Variants in OXR1 observed in about 807,000 individuals in gnomAD.
OXR1 encodes oxidation resistance 1.
A neutral mutation model predicts 104.6 loss-of-function variants in OXR1; 41 were observed. The ratio of observed to expected loss-of-function variants is 0.39; its 90% confidence interval spans 0.31 to 0.51. The LOEUF (loss-of-function observed/expected upper bound fraction) is 0.51, where lower values mean the gene tolerates loss of function less well. Ranked by LOEUF, OXR1 falls within the 20% of genes least tolerant of loss-of-function variation. OXR1 has a pLI of 0.77. For synonymous variants in OXR1, 348 were observed against 348.4 expected (o/e 1.00, Z 0.01); for missense variants, 955 against 1,031.9 (o/e 0.93, Z 1.02).
intron 2 of OXR1, among the ~76,000 whole-genome samples, chr8:106,469,580 A>G (rs911411668): frequency 7.2e-5 from 11 of 151,844 alleles, no homozygotes; most frequent in African/African-American, 2.4e-4. Context: ...ATGCTTGGCT[A>G]GGGTTGACAG....
intron 3 of OXR1, among the ~76,000 whole-genome samples, chr8:106,663,149 G>C (rs1234313860): frequency 6.6e-6 from 1 of 152,154 alleles, no homozygotes; most frequent in African/African-American, 2.4e-5. Context: ...TAGCTGTAAT[G>C]GGGCAGGCTC....
intron 11 of OXR1, among the ~76,000 whole-genome samples, chr8:106,733,560 A>T (rs1015079511): frequency 1.3e-5 from 2 of 152,094 alleles, no homozygotes; most frequent in African/African-American, 4.8e-5. Flanking sequence ...ATACTTTTTT[A>T]AAAAACTTTT....
At chr8:106,747,730 A>C (rs1477154842) in intron 16 of OXR1, among the ~76,000 whole-genome samples, 1 of 152,244 alleles carries the variant, frequency 6.6e-6, no homozygotes, top group African/African-American at 2.4e-5. Context: ...TGAATATACA[A>C]ATAATCCAAT....
intron 2 of OXR1, among the ~76,000 whole-genome samples, chr8:106,463,705 T>C (rs945805139): frequency 4.6e-5 from 7 of 152,120 alleles, no homozygotes; most frequent in African/African-American, 1.7e-4. Context: ...CCTTGCTAAA[T>C]TACATATCTG....
chr8:106,372,941 C>T (rs1016191073), intron 2 of OXR1, among the ~76,000 whole-genome samples: 2 of 152,096 alleles, frequency 1.3e-5, no homozygotes, highest in East Asian at 1.9e-4. Flanking sequence ...AAGTCACCCT[C>T]GATATCCATG....
chr8:106,338,055 C>CA (rs1815036230), intron 1 of OXR1, among the ~76,000 whole-genome samples: 1 of 152,082 alleles, frequency 6.6e-6, no homozygotes, highest in African/African-American at 2.4e-5. Context: ...ATCTGTTAAA[C>CA]AAAATTATAG....
chr8:106,679,461 AAG>A lies in OXR1; in HGVS notation c.303+173_303+174del, dbSNP rs1827932568. ...TTTTTAGTTGTTGTTTTTTTCTTTAAAGAGAAATTTTACTGAGATATAAAGGT... is the reference window on the plus strand; with the variant it reads ...TTTTTAGTTGTTGTTTTTTTCTTTAAAGAAATTTTACTGAGATATAAAGGT... On this transcript the variant is annotated intron_variant, in intron 4 of 16. Coordinates refer to ENST00000517566, the MANE Select transcript of OXR1 (RefSeq NM_001198533.2). Among the ~76,000 whole-genome samples, 10 of 151,850 alleles carry A rather than the reference AAG, an allele frequency of 6.6e-5. No individual in the cohort carries two copies. The South Asian group carries it at 2.1e-3, about 31-fold the overall frequency.
intron 3 of OXR1, among the ~76,000 whole-genome samples, chr8:106,619,247 TA>T (rs1034598811): frequency 6.6e-6 from 1 of 152,194 alleles, no homozygotes; most frequent in Non-Finnish European, 1.5e-5. Flanking sequence ...TTTAAGTTAG[TA>T]ATAAATTTAT....
intron 2 of OXR1, among the ~76,000 whole-genome samples, chr8:106,505,520 T>C (rs1212877634): frequency 6.6e-6 from 1 of 152,078 alleles, no homozygotes; most frequent in Non-Finnish European, 1.5e-5. Flanking sequence ...ATAAACACCA[T>C]GAGAAGCAAA....
chr8:106,623,986 G>A (rs1202644845), intron 3 of OXR1, among the ~76,000 whole-genome samples: 1 of 152,140 alleles, frequency 6.6e-6, no homozygotes, highest in Non-Finnish European at 1.5e-5. Flanking sequence ...CATTAAGCCA[G>A]CTTCAGCTTC....
chr8:106,524,649 G>A (rs1813518899), intron 3 of OXR1, among the ~76,000 whole-genome samples: 1 of 152,170 alleles, frequency 6.6e-6, no homozygotes, highest in Non-Finnish European at 1.5e-5. Context: ...ATGAAACAGA[G>A]AGAGCCCTGC....
chr8:106,343,814 A>G (rs1166614646), intron 1 of OXR1, among the ~76,000 whole-genome samples: 1 of 152,222 alleles, frequency 6.6e-6, no homozygotes, highest in Non-Finnish European at 1.5e-5. Flanking sequence ...GTAGTGCTTC[A>G]GTGTTTTGCA....
chr8:106,398,332 G>C (rs7845061), intron 2 of OXR1, among the ~76,000 whole-genome samples: 1 of 152,248 alleles, frequency 6.6e-6, no homozygotes. Flanking sequence ...TAGAGATTTA[G>C]ATTTATTTGG....
At chr8:106,551,431 A>G (rs1417815780) in intron 3 of OXR1, among the ~76,000 whole-genome samples, 2 of 152,266 alleles carry the variant, frequency 1.3e-5, no homozygotes, top group African/African-American at 4.8e-5. Context: ...TTAATTAGCT[A>G]TTTACTTTAG....
At chr8:106,625,409 A>C (rs1277761001) in intron 3 of OXR1, among the ~76,000 whole-genome samples, 3 of 152,178 alleles carry the variant, frequency 2.0e-5, no homozygotes, top group Non-Finnish European at 4.4e-5. Flanking sequence ...ACTTTGGTAT[A>C]ACTAAGGGCT....
intron 2 of OXR1, among the ~76,000 whole-genome samples, chr8:106,467,544 A>G (rs1821239341): frequency 6.6e-6 from 1 of 151,860 alleles, no homozygotes; most frequent in Non-Finnish European, 1.5e-5. Flanking sequence ...GATGGAAGCT[A>G]TACTTACAAA....
intron 6 of OXR1, among the ~76,000 whole-genome samples, chr8:106,690,997 T>C (rs1017376901): frequency 3.3e-5 from 5 of 151,884 alleles, no homozygotes; most frequent in Non-Finnish European, 7.4e-5. Context: ...AGAAGGGAAG[T>C]GGACAGTTTG....
At chr8:106,739,357 C>A in intron 12 of OXR1, 101 bp from the exon 13 acceptor site, 1 of 1,061,960 alleles carries the variant, frequency 9.4e-7, no homozygotes, top group Non-Finnish European at 1.4e-6. Flanking sequence ...GATTTAGCCA[C>A]ATTTTCTACG....
At chr8:106,415,085 T>C (rs551235410) in intron 2 of OXR1, among the ~76,000 whole-genome samples, 15 of 152,232 alleles carry the variant, frequency 9.9e-5, no homozygotes, top group African/African-American at 3.6e-4. Context: ...TAAACAAGTA[T>C]GTGAAGTGAC....
Sources: allele counts gnomAD v4.1 joint callset (sites outside exome capture counted in the v4.1 genomes callset), GRCh38; gene constraint gnomAD v4.1.1; transcripts MANE v1.5; gene names NCBI Gene and HGNC (gene_info 2026-07-23, HGNC 2026-07-21).